The following EYS variants were observed in gnomAD, a reference collection of about 807,000 sequenced individuals.
EYS encodes the protein protein eyes shut homolog.
A neutral mutation model predicts 282.1 loss-of-function variants in EYS; 250 were observed. That is an observed-to-expected ratio of 0.89 (90% CI 0.80 to 0.98). EYS has a LOEUF of 0.98. Ranked by LOEUF, EYS falls within the 50% of genes least tolerant of loss-of-function variation. The pLI, the probability that EYS is intolerant of heterozygous loss-of-function variation, is 0.00. For synonymous variants in EYS, 1,355 were observed against 1,282.9 expected (o/e 1.06, Z -1.20); for missense variants, 4,016 against 3,709.0 (o/e 1.08, Z -2.15).
chr6:63,894,731 G>A (rs983193117), intron 35 of EYS, among the ~76,000 whole-genome samples: 7 of 151,840 alleles, frequency 4.6e-5, no homozygotes, highest in Non-Finnish European at 4.4e-5. Context: ...ACAAGGGCCC[G>A]CCACCATGCC....
chr6:64,681,242 AC>A (rs1460013269), intron 22 of EYS, among the ~76,000 whole-genome samples: 16 of 152,186 alleles, frequency 1.1e-4, no homozygotes, highest in Non-Finnish European at 1.5e-5. Flanking sequence ...AGAAGATTCA[AC>A]CCTTGAAAGA....
intron 2 of EYS, among the ~76,000 whole-genome samples, chr6:65,590,936 A>G (rs1765210884): frequency 6.6e-6 from 1 of 152,010 alleles, no homozygotes; most frequent in East Asian, 1.9e-4. Context: ...TACAATAAAC[A>G]TAAGAGTTCA....
At chr6:64,081,022 ATTGAC>A (rs1339318187) in intron 32 of EYS, among the ~76,000 whole-genome samples, 52 of 151,952 alleles carry the variant, frequency 3.4e-4, no homozygotes, top group African/African-American at 1.3e-3. Flanking sequence ...TTGGCTTAGG[ATTGAC>A]TTGACAATGT....
chr6:64,096,916 A>G (rs1772640807), intron 31 of EYS, among the ~76,000 whole-genome samples: 1 of 152,176 alleles, frequency 6.6e-6, no homozygotes. Flanking sequence ...ATGGTGACGT[A>G]CAGATGGGGT....
chr6:63,790,190 G>A (rs1302420266), intron 37 of EYS, among the ~76,000 whole-genome samples: 3 of 152,160 alleles, frequency 2.0e-5, no homozygotes, highest in Non-Finnish European at 4.4e-5. Context: ...AATTTATTAT[G>A]AGTATGCACA....
At chr6:65,001,201 C>G (rs1347837915) in intron 13 of EYS, among the ~76,000 whole-genome samples, 1 of 121,560 alleles carries the variant, frequency 8.2e-6, no homozygotes, top group Admixed American at 7.9e-5. Flanking sequence ...AGTATGATAG[C>G]TATCTGTATC....
intron 2 of EYS, among the ~76,000 whole-genome samples, chr6:65,532,518 T>C (rs1281045829): frequency 2.0e-5 from 3 of 152,172 alleles, no homozygotes; most frequent in African/African-American, 7.2e-5. Context: ...GATGCATTAT[T>C]AGTTCAAGAA....
At chr6:64,153,645 G>T (rs1774816990) in intron 31 of EYS, among the ~76,000 whole-genome samples, 1 of 152,120 alleles carries the variant, frequency 6.6e-6, no homozygotes, top group African/African-American at 2.4e-5. Flanking sequence ...AATAAAATCA[G>T]ACAATATCAA....
intron 14 of EYS, among the ~76,000 whole-genome samples, chr6:64,947,527 G>A (rs1472484379): frequency 6.6e-6 from 1 of 151,456 alleles, no homozygotes; most frequent in Non-Finnish European, 1.5e-5. Context: ...AATCTTTAAG[G>A]GTACTCCAGT....
At chr6:64,078,922 G>A (rs1008634668) in intron 32 of EYS, among the ~76,000 whole-genome samples, 5 of 152,162 alleles carry the variant, frequency 3.3e-5, no homozygotes, top group East Asian at 1.9e-4. Flanking sequence ...AGCCAGGAGC[G>A]TGAACCCAGA....
chr6:63,742,583 C>T (rs1164552789), intron 41 of EYS, among the ~76,000 whole-genome samples: 3 of 152,170 alleles, frequency 2.0e-5, no homozygotes. Context: ...ATCCTAACCC[C>T]TCTTCCTATG....
At chr6:64,137,092 C>T (rs1380996634) in intron 31 of EYS, among the ~76,000 whole-genome samples, 2 of 152,144 alleles carry the variant, frequency 1.3e-5, no homozygotes, top group Non-Finnish European at 2.9e-5. Flanking sequence ...TACATCATCA[C>T]TTGTTGCTTC....
At chr6:65,100,564 A>G (rs1343919274) in intron 12 of EYS, among the ~76,000 whole-genome samples, 2 of 150,922 alleles carry the variant, frequency 1.3e-5, no homozygotes, top group East Asian at 3.9e-4. Context: ...GAACAAAATT[A>G]TGTTGCTGTC....
At chr6:64,959,908 C>A (rs1442217060) in intron 14 of EYS, among the ~76,000 whole-genome samples, 1 of 142,006 alleles carries the variant, frequency 7.0e-6, no homozygotes, top group East Asian at 2.0e-4. Context: ...TTAAGAAGAA[C>A]CACTGTTAAA....
chr6:64,303,937 G>C (rs1261471142), intron 30 of EYS, among the ~76,000 whole-genome samples: 1 of 151,254 alleles, frequency 6.6e-6, no homozygotes, highest in African/African-American at 2.4e-5. Context: ...ACATACAAAG[G>C]AATGTAAGGG....
intron 15 of EYS, among the ~76,000 whole-genome samples, chr6:64,932,762 T>C (rs971502891): frequency 6.6e-6 from 1 of 151,962 alleles, no homozygotes; most frequent in African/African-American, 2.4e-5. Flanking sequence ...CTGGAAGATG[T>C]TTTAGTTCCA....
intron 12 of EYS, among the ~76,000 whole-genome samples, chr6:65,288,418 G>T (rs964732132): frequency 3.5e-4 from 53 of 150,050 alleles, no homozygotes; most frequent in Admixed American, 2.7e-4. Flanking sequence ...GTTATTATAG[G>T]ACTAAGAATA....
intron 41 of EYS, among the ~76,000 whole-genome samples, chr6:63,745,496 G>A (rs936422540): frequency 1.3e-5 from 2 of 152,158 alleles, no homozygotes; most frequent in Non-Finnish European, 2.9e-5. Context: ...AGGGGACAAT[G>A]AGATCTTCAA....
chr6:64,617,536 G>A lies in EYS; in HGVS notation c.3569-3C>T. 2 of 1,520,352 alleles carry A rather than the reference G, an allele frequency of 1.3e-6. No homozygotes were observed. The highest frequency in any genetic ancestry group is 1.8e-6 in the Non-Finnish European group (2 of 1,120,808). The allele number at this position is 1,520,352 out of a possible 1,614,324, so 94.2% of individuals were successfully genotyped here. On this transcript the variant is annotated splice_region_variant and splice_polypyrimidine_tract_variant and intron_variant, in intron 23 of 42. Transcript: ENST00000503581. ...CTCACAGTGGTGTCCAGACCATCCT[G>A]TTCAACAAAATTACAAAGCAGATAT... is the stretch of plus-strand genomic sequence containing the variant.
Sources: allele counts gnomAD v4.1 joint callset (sites outside exome capture counted in the v4.1 genomes callset), GRCh38; gene constraint gnomAD v4.1.1; transcripts MANE v1.5; gene names NCBI Gene and HGNC (gene_info 2026-07-23, HGNC 2026-07-21).